The following HACE1 variants were observed in gnomAD, a reference collection of about 807,000 sequenced individuals.
The protein encoded by HACE1 is E3 ubiquitin-protein ligase HACE1.
A neutral mutation model predicts 118.4 loss-of-function variants in HACE1; 73 were observed. The observed-to-expected ratio is 0.62, with a 90% confidence interval of 0.51 to 0.75. HACE1 has a LOEUF of 0.75. Among genes scored for constraint, HACE1 ranks in the 30% least tolerant of loss-of-function variants. The pLI, the probability that HACE1 is intolerant of heterozygous loss-of-function variation, is 0.00. For synonymous variants in HACE1, 368 were observed against 374.8 expected, an observed-to-expected ratio of 0.98 and a Z score of 0.21; for missense variants, 749 against 1,102.2, an observed-to-expected ratio of 0.68 and a Z score of 4.54.
At chr6:104,785,405 T>TA (rs1342759493) in intron 11 of HACE1, 86 bp from the exon 12 acceptor site, 10 of 781,272 alleles carry the variant, frequency 1.3e-5, no homozygotes, top group Non-Finnish European at 2.1e-5. Context: ...AGACAAATAT[T>TA]ATAGAAGAGA....
In HACE1 at chr6:104,815,720, G is replaced by A. The variant is rs551651668; in HGVS notation, c.535-4327C>T. Among the ~76,000 whole-genome samples, 8 of 138,372 alleles carry A rather than the reference G, an allele frequency of 5.8e-5. No homozygotes were observed. In the South Asian group the frequency reaches 1.8e-3, roughly 31 times the overall value. The allele number at this position is 138,372 out of a possible 152,430, so 90.8% of individuals were successfully genotyped here. On this transcript the variant is annotated intron_variant, in intron 6 of 23. Transcript: ENST00000262903. The stretch of plus-strand genomic sequence containing the variant: ...TTCAAGATGTGACCTGGCTTATTCT[G>A]AAAGCATTCACTTACATGCATTCAC...
intron 22 of HACE1, among the ~76,000 whole-genome samples, chr6:104,734,510 T>TA (rs1173251543): frequency 2.0e-5 from 3 of 152,176 alleles, no homozygotes; most frequent in Non-Finnish European, 4.4e-5. Context: ...ATTTAAGATT[T>TA]TAAAAAGCTT....
rs116628751 is a variant in HACE1 at position 104,734,800 on chromosome 6, C to G, written c.2514-4384G>C. 4.9e-3 allele frequency among the ~76,000 whole-genome samples: 748 copies of G among 152,224 alleles called. 4 individuals are homozygous for G. The highest frequency in any genetic ancestry group is 0.017 in the African/African-American group (715 of 41,540). On this transcript the variant is annotated intron_variant, in intron 22 of 23. Transcript: ENST00000262903. ...ATATTACTAATTCTAGTGTTTTACT[C>G]TATAGGAGCAGCCACCTAAGAGACA...
chr6:104,764,045 T>TCAAA (rs896889775), intron 19 of HACE1, among the ~76,000 whole-genome samples: 5 of 151,950 alleles, frequency 3.3e-5, no homozygotes, highest in African/African-American at 7.3e-5. Context: ...AGATTTTATC[T>TCAAA]CAAACAAACA....
chr6:104,794,766 G>A (rs1783430282), intron 10 of HACE1, among the ~76,000 whole-genome samples: 2 of 152,094 alleles, frequency 1.3e-5, no homozygotes, highest in African/African-American at 2.4e-5. Flanking sequence ...TTAGCCGGGC[G>A]TGGTGGTGTG....
intron 6 of HACE1, among the ~76,000 whole-genome samples, chr6:104,812,120 T>TA (rs11324245): frequency 2.0e-4 from 30 of 149,768 alleles, no homozygotes; most frequent in South Asian, 4.3e-4. Context: ...TGAAAACCTT[T>TA]AAAAAAAAAA....
At chr6:104,800,016 C>T (rs1460876092) in intron 7 of HACE1, among the ~76,000 whole-genome samples, 1 of 152,150 alleles carries the variant, frequency 6.6e-6, no homozygotes, top group Non-Finnish European at 1.5e-5. Context: ...AAATACGGCG[C>T]TTTTCCCAAG....
intron 6 of HACE1, among the ~76,000 whole-genome samples, chr6:104,816,414 G>A (rs983017858): frequency 6.6e-6 from 1 of 152,258 alleles, no homozygotes; most frequent in Admixed American, 6.5e-5. Flanking sequence ...ATGGCTAAAA[G>A]GGGCAAAGGT....
intron 5 of HACE1, among the ~76,000 whole-genome samples, chr6:104,840,475 C>A (rs1409210387): frequency 1.3e-5 from 2 of 152,046 alleles, no homozygotes; most frequent in Non-Finnish European, 2.9e-5. Flanking sequence ...ACCAAAAAAC[C>A]AGGAAGTAGC....
chr6:104,730,413 G>A lies in HACE1; in HGVS notation c.2517C>T (p.Ser839=), dbSNP rs1320597742. 1 of 1,387,378 alleles carries A rather than the reference G, an allele frequency of 7.2e-7. No homozygotes were observed. The allele number at this position is 1,387,378 out of a possible 1,614,324, so 85.9% of individuals were successfully genotyped here. A position where few individuals can be genotyped will look rare whatever the true frequency, so the allele number is the denominator to read the frequency against. The change falls in exon 23 of 24, where the codon TCC becomes TCT. Residue 839 remains serine, a synonymous_variant. Coordinates refer to ENST00000262903, the MANE Select transcript of HACE1 (RefSeq NM_020771.4). ...VLLLQFVTGS[S]RVPHGGFANI... ...TAGCAAACCCACCATGTGGGACCCTGGAACTAAGAGTTTATATCTTAATAC... is the reference window on the plus strand; with the variant it reads ...TAGCAAACCCACCATGTGGGACCCTAGAACTAAGAGTTTATATCTTAATAC...
chr6:104,811,306 C>A lies in HACE1; in HGVS notation c.617+5G>T. The A allele has an allele frequency of 9.3e-7, 1 of 1,080,242 alleles. No individual in the cohort carries two copies. The highest frequency in any genetic ancestry group is 1.2e-5 in the South Asian group (1 of 80,952). The allele number at this position is 1,080,242 out of a possible 1,614,324, so 66.9% of individuals were successfully genotyped here. A position where few individuals can be genotyped will look rare whatever the true frequency, so the allele number is the denominator to read the frequency against. ...TATAGCATCTGGAAATATAAAATAT[C>A]ATACCTGCAAGCAAAGTACAATGGA... On this transcript the variant is annotated splice_donor_5th_base_variant and intron_variant, in intron 7 of 23. Coordinates refer to ENST00000262903, the MANE Select transcript of HACE1 (RefSeq NM_020771.4).
chr6:104,795,790 A>G lies in HACE1; in HGVS notation c.817-105T>C, dbSNP rs1769558424. ...ATCTTAAAGCCAATTAGTCTAAATC[A>G]AGTCCTTTAGTTATTTTGTCTTGCA... On this transcript the variant is annotated intron_variant, in intron 9 of 23. Coordinates refer to ENST00000262903, the MANE Select transcript of HACE1 (RefSeq NM_020771.4). The G allele has an allele frequency of 5.7e-6, 4 of 704,092 alleles. 1 individual carries two copies. In the South Asian group the frequency reaches 6.4e-5, roughly 11 times the overall value. The allele number at this position is 704,092 out of a possible 1,614,324, so 43.6% of individuals were successfully genotyped here.
chr6:104,852,776 G>A (rs1776369831), intron 1 of HACE1, among the ~76,000 whole-genome samples: 1 of 152,020 alleles, frequency 6.6e-6, no homozygotes, highest in Non-Finnish European at 1.5e-5. Context: ...TAGGCATCAT[G>A]TTTTATCATA....
At chr6:104,803,800 G>T (rs12526456) in intron 7 of HACE1, among the ~76,000 whole-genome samples, 2 of 152,200 alleles carry the variant, frequency 1.3e-5, no homozygotes, top group South Asian at 2.1e-4. Flanking sequence ...TTTGAAAACC[G>T]ACACAAGAGA....
intron 6 of HACE1, among the ~76,000 whole-genome samples, chr6:104,819,747 A>G (rs933890896): frequency 1.1e-4 from 16 of 152,192 alleles, no homozygotes; most frequent in African/African-American, 3.9e-4. Context: ...TCTGACAACT[A>G]TCTGATCTTC....
At chr6:104,820,109 C>T (rs538879179) in intron 6 of HACE1, among the ~76,000 whole-genome samples, 9 of 151,294 alleles carry the variant, frequency 5.9e-5, no homozygotes, top group East Asian at 5.9e-4. Context: ...GCAGAAAAAT[C>T]GCTTGAACCC....
At chr6:104,844,409 T>A (rs1269112606) in intron 4 of HACE1, among the ~76,000 whole-genome samples, 1 of 150,334 alleles carries the variant, frequency 6.7e-6, no homozygotes, top group Non-Finnish European at 1.5e-5. Flanking sequence ...AGTGATGCGA[T>A]CTCGGCTCAC....
At position 104,760,130 on chromosome 6, in the gene HACE1, C is replaced by T. The variant is rs553820775; in HGVS notation, c.2212-9658G>A. Among the ~76,000 whole-genome samples the T allele has an allele frequency of 6.7e-4, 102 of 152,312 alleles. 1 individual carries two copies. The highest frequency in any genetic ancestry group is 2.1e-3 in the African/African-American group (88 of 41,552). Reference sequence around the variant, plus strand: ...ATTCTACCAGAGGTACAAAGAGGAGCTGGTACCATTCCTTCTGAAACTATT... The same window carrying T: ...ATTCTACCAGAGGTACAAAGAGGAGTTGGTACCATTCCTTCTGAAACTATT... On this transcript the variant is annotated intron_variant, in intron 19 of 23. Coordinates refer to ENST00000262903, the MANE Select transcript of HACE1 (RefSeq NM_020771.4).
chr6:104,759,865 A>T (rs1188337833), intron 19 of HACE1, among the ~76,000 whole-genome samples: 2 of 152,212 alleles, frequency 1.3e-5, no homozygotes, highest in Non-Finnish European at 2.9e-5. Flanking sequence ...TATAAAGGGG[A>T]TATCACCACT....
Sources: allele counts gnomAD v4.1 joint callset (sites outside exome capture counted in the v4.1 genomes callset), GRCh38; gene constraint gnomAD v4.1.1; transcripts MANE v1.5; gene names NCBI Gene and HGNC (gene_info 2026-07-23, HGNC 2026-07-21).